TENM2: variants seen among roughly 807,000 people sequenced by gnomAD.
The protein encoded by TENM2 is teneurin-2.
In TENM2, 52 loss-of-function variants were observed where a neutral mutation model predicts 245.2. The ratio of observed to expected loss-of-function variants is 0.21; its 90% CI spans 0.17 to 0.27. TENM2 has a LOEUF of 0.27. Ranked by LOEUF, TENM2 falls within the 10% of genes least tolerant of loss-of-function variation. The probability of loss-of-function intolerance (pLI) is 1.00; values close to 1 mark genes in which losing one functional copy is unlikely to be tolerated. For synonymous variants in TENM2, 1,363 were observed against 1,438.9 expected, an observed-to-expected ratio of 0.95 and a Z score of 1.19; for missense variants, 3,046 against 3,666.8, an observed-to-expected ratio of 0.83 and a Z score of 4.37.
intron 2 of TENM2, among the ~76,000 whole-genome samples, chr5:167,472,014 T>G (rs1767059996): frequency 2.0e-5 from 3 of 152,208 alleles, no homozygotes; most frequent in Non-Finnish European, 1.5e-5. Flanking sequence ...TCGCCTATCT[T>G]TTGCTCCTTA....
At chr5:167,652,486 T>C (rs1754539980) in intron 2 of TENM2, among the ~76,000 whole-genome samples, 3 of 152,180 alleles carry the variant, frequency 2.0e-5, no homozygotes, top group Admixed American at 2.0e-4. Context: ...CAGTCCCTTC[T>C]TGCATTTGCA....
At chr5:167,052,441 C>G in the TENM2 span, among the ~76,000 whole-genome samples, 1 of 152,104 alleles carries the variant, frequency 6.6e-6, no homozygotes, top group African/African-American at 2.4e-5. Flanking sequence ...CCAAGCAGAG[C>G]TGGAATTTAA....
At chr5:168,221,040 A>T (rs10069012) in intron 23 of TENM2, among the ~76,000 whole-genome samples, 4 of 151,564 alleles carry the variant, frequency 2.6e-5, no homozygotes, top group African/African-American at 9.7e-5. Flanking sequence ...TGAACTCAGG[A>T]GGTGGAGGTT....
At chr5:167,129,301 C>G in the TENM2 span, among the ~76,000 whole-genome samples, 1 of 152,172 alleles carries the variant, frequency 6.6e-6, no homozygotes, top group Non-Finnish European at 1.5e-5. Context: ...GCTTGCCACT[C>G]CTTTCCATGG....
intron 2 of TENM2, among the ~76,000 whole-genome samples, chr5:167,575,420 A>G (rs1359890298): frequency 6.8e-6 from 1 of 146,388 alleles, no homozygotes; most frequent in Non-Finnish European, 1.5e-5. Flanking sequence ...AGGATATTTT[A>G]TGTATTTGTC....
At chr5:168,162,799 C>T (rs1757867808) in intron 13 of TENM2, 42 bp downstream of exon 15, 2 of 1,598,010 alleles carry the variant, frequency 1.3e-6, no homozygotes, top group East Asian at 2.2e-5. Flanking sequence ...AAGAGCAGAG[C>T]GTTGTCCATG....
At chr5:167,449,913 C>G (rs1765475972) in intron 2 of TENM2, among the ~76,000 whole-genome samples, 1 of 152,058 alleles carries the variant, frequency 6.6e-6, no homozygotes. Context: ...AGCTGAGATC[C>G]CGCCATTGCA....
At chr5:167,880,235 G>A (rs1002915931) in intron 3 of TENM2, among the ~76,000 whole-genome samples, 2 of 151,920 alleles carry the variant, frequency 1.3e-5, no homozygotes, top group Non-Finnish European at 2.9e-5. Context: ...GTTTCACCAT[G>A]TTGGCCAGGC....
chr5:167,741,442 A>G (rs1307688650), intron 2 of TENM2, among the ~76,000 whole-genome samples: 1 of 152,208 alleles, frequency 6.6e-6, no homozygotes, highest in Non-Finnish European at 1.5e-5. Context: ...TTTAGCACTT[A>G]AAGTGTGTTG....
rs552966903 is a variant in TENM2 at position 167,337,231 on chromosome 5, G to A, written c.227-37967G>A. 4.0e-5 allele frequency among the ~76,000 whole-genome samples: 6 copies of A among 150,384 alleles called. No homozygotes were observed. In the East Asian group the frequency reaches 1.2e-3, roughly 29 times the overall value. On this transcript the variant is annotated intron_variant, in intron 1 of 28. Transcript: ENST00000518659. ...ATTTGTAGTGTACGTAAGACATACA[G>A]CAGGGACAAGAAAAATGAAAGCAAG...
chr5:167,589,040 A>C (rs1775698056), intron 2 of TENM2, among the ~76,000 whole-genome samples: 1 of 152,118 alleles, frequency 6.6e-6, no homozygotes, highest in Admixed American at 6.6e-5. Context: ...GTGTCTACTA[A>C]AAATACGAAA....
In TENM2 at chr5:167,402,036, C is replaced by T. The variant is rs973375700; in HGVS notation, c.502+26563C>T. Among the ~76,000 whole-genome samples, 14 of 152,130 alleles carry T rather than the reference C, an allele frequency of 9.2e-5. No homozygotes were observed. The South Asian group carries it at 1.0e-3, about 11-fold the overall frequency. Reference sequence around the variant, plus strand: ...ATAGTGCTACAGCTTTTTTAACAGTCCCTTTAAAATAAGAGAATATTGTCA... The same window carrying T: ...ATAGTGCTACAGCTTTTTTAACAGTTCCTTTAAAATAAGAGAATATTGTCA... On this transcript the variant is annotated intron_variant, in intron 2 of 28. Transcript: ENST00000518659.
At chr5:167,590,333 T>G (rs1775794509) in intron 2 of TENM2, among the ~76,000 whole-genome samples, 1 of 152,052 alleles carries the variant, frequency 6.6e-6, no homozygotes, top group Non-Finnish European at 1.5e-5. Context: ...AAAATCCCCA[T>G]TATAAGGTTC....
intron 4 of TENM2, among the ~76,000 whole-genome samples, chr5:167,957,568 G>A (rs1780660205): frequency 6.6e-6 from 1 of 151,992 alleles, no homozygotes; most frequent in African/African-American, 2.4e-5. Flanking sequence ...GTGATGTTAG[G>A]GTGTCGATTT....
chr5:167,788,615 TCAA>T (rs925095225), intron 2 of TENM2, among the ~76,000 whole-genome samples: 2 of 152,186 alleles, frequency 1.3e-5, no homozygotes, highest in Non-Finnish European at 2.9e-5. Flanking sequence ...TAACGGGTCT[TCAA>T]CAACACTTTT....
intron 12 of TENM2, among the ~76,000 whole-genome samples, chr5:168,144,506 G>A (rs1039374085): frequency 6.6e-6 from 1 of 151,988 alleles, no homozygotes; most frequent in Non-Finnish European, 1.5e-5. Flanking sequence ...CAAAGGACAT[G>A]AACTCATCAT....
intron 2 of TENM2, among the ~76,000 whole-genome samples, chr5:167,557,601 G>A (rs1032482470): frequency 9.9e-5 from 15 of 152,088 alleles, no homozygotes; most frequent in African/African-American, 3.6e-4. Context: ...TACTACTGAG[G>A]TTATAATATG....
chr5:167,709,553 C>T lies in TENM2; in HGVS notation c.503-166433C>T, dbSNP rs181759862. 4.4e-3 allele frequency among the ~76,000 whole-genome samples: 673 copies of T among 152,324 alleles called. 5 individuals are homozygous for T. The highest frequency in any genetic ancestry group is 0.027 in the Middle Eastern group (8 of 294). ...GATGGTGGCGGTCCAGAAGCCCAGT[C>T]CAACTGGTCTTTGCTCTTGCAACAG... On this transcript the variant is annotated intron_variant, in intron 2 of 28. Coordinates refer to ENST00000518659, the Ensembl canonical transcript of TENM2.
chr5:167,218,535 C>T, the TENM2 span, among the ~76,000 whole-genome samples: 1 of 152,014 alleles, frequency 6.6e-6, no homozygotes, highest in Non-Finnish European at 1.5e-5. Flanking sequence ...TAAAAGGATC[C>T]CCTCTCTCCA....
Sources: gnomAD v4.1 joint callset for allele counts (sites outside exome capture counted in the v4.1 genomes callset) on GRCh38, gnomAD v4.1.1 for gene constraint, MANE v1.5 for transcripts, NCBI Gene and HGNC (gene_info 2026-07-23, HGNC 2026-07-21) for gene names.